The following POLR1C variants were observed in gnomAD, a reference collection of about 807,000 sequenced individuals.
The protein encoded by POLR1C is RNA polymerase I and III subunit C, also known as DNA-directed RNA polymerases I and III subunit RPAC1.
POLR1C carries 42 observed loss-of-function variants against 38.3 expected under a neutral mutation model. That is an observed-to-expected ratio of 1.10 (90% CI 0.86 to 1.42). The LOEUF (loss-of-function observed/expected upper bound fraction) is 1.42, where lower values mean the gene tolerates loss of function less well. Ranked by LOEUF, POLR1C falls within the 40% of genes most tolerant of loss-of-function variation. POLR1C has a pLI of 0.00. For synonymous variants in POLR1C, 163 were observed against 163.9 expected (o/e 0.99, Z 0.04); for missense variants, 507 against 450.5 (o/e 1.13, Z -1.14).
intron 8 of POLR1C, chr6:43,527,725 T>A: frequency 1.2e-6 from 2 of 1,613,972 alleles, no homozygotes; most frequent in Non-Finnish European, 1.7e-6. Flanking sequence ...CAGCCTCATC[T>A]TCTCCACTGC....
In POLR1C at chr6:43,520,384, TG is replaced by T. The variant is rs1057519456; in HGVS notation, c.614del (p.Gly205AlafsTer49). ...ATATCCTCATCGCTCAGCTGCGGCCTGGCCAAGAAATTGACCTGCTCATGCA... is the reference window on the plus strand; with the variant it reads ...ATATCCTCATCGCTCAGCTGCGGCCTGCCAAGAAATTGACCTGCTCATGCA... The part of the protein sequence containing the change: ...DDILIAQLRP[G>X]QEIDLLMHCV... On this transcript the variant is annotated frameshift_variant, in exon 6 of 9. Coordinates refer to ENST00000642195, the MANE Select transcript of POLR1C (RefSeq NM_203290.4). LOFTEE classifies it high-confidence loss of function. 1 of 1,613,914 alleles carries T rather than the reference TG, an allele frequency of 6.2e-7. No homozygotes were observed. Among genetic ancestry groups the T allele is most frequent in the Non-Finnish European group, 8.5e-7 (1 of 1,180,032 alleles).
intron 10 of POLR1C, chr6:43,551,550 T>A: frequency 6.9e-7 from 1 of 1,449,062 alleles, no homozygotes; most frequent in Non-Finnish European, 9.5e-7. Flanking sequence ...AGAGACAGGG[T>A]CTCATTCTGT....
intron 9 of POLR1C, among the ~76,000 whole-genome samples, chr6:43,545,553 A>G (rs996668655): frequency 6.6e-6 from 1 of 152,048 alleles, no homozygotes; most frequent in African/African-American, 2.4e-5. Context: ...CTAAAAATAC[A>G]AAAATTAGCC....
chr6:43,560,729 T>C (rs1762373313), intron 10 of POLR1C, among the ~76,000 whole-genome samples: 1 of 152,218 alleles, frequency 6.6e-6, no homozygotes, highest in Admixed American at 6.6e-5. Context: ...AGGGAAAAGC[T>C]GCTGACCTAG....
chr6:43,526,597 C>A, intron 8 of POLR1C: 2 of 1,485,394 alleles, frequency 1.3e-6, no homozygotes, highest in Middle Eastern at 1.7e-4. Flanking sequence ...CTTCTCCTCA[C>A]CAGACTGCAA....
At chr6:43,562,152 A>T (rs1338357044) in exon 11 of POLR1C, 2 of 937,352 alleles carry the variant, frequency 2.1e-6, no homozygotes. Context: ...TCAGGCTAAA[A>T]TCAATGACAT....
At chr6:43,519,902 T>C in intron 4 of POLR1C, 64 bp downstream of exon 4, 1 of 1,571,200 alleles carries the variant, frequency 6.4e-7, no homozygotes, top group African/African-American at 1.3e-5. Flanking sequence ...GACTGTGATG[T>C]TGGGTAAGTT....
At position 43,521,277 on chromosome 6, in the gene POLR1C, C is replaced by G. The variant is rs756904557; in HGVS notation, c.1018C>G (p.Leu340Val). 6.2e-7 allele frequency: 1 copy of G among 1,612,512 alleles called. No homozygotes were observed. Among genetic ancestry groups the G allele is most frequent in the Non-Finnish European group, 8.5e-7 (1 of 1,180,010 alleles). The change falls in exon 9 of 9, where the codon CTA (leucine) becomes GTA (valine). Residue 340 changes from leucine to valine, a missense_variant. Coordinates refer to ENST00000642195, the MANE Select transcript of POLR1C (RefSeq NM_203290.4). ...GAAGTGCCGGCGCTTCTTGGATGAA[C>G]TAGATGCGGTTCAGATGGACTGAGC... is the stretch of plus-strand genomic sequence containing the variant. The part of the protein sequence containing the change: ...MGKCRRFLDE[L>V]DAVQMD
At chr6:43,557,357 C>T (rs1249629003) in intron 10 of POLR1C, among the ~76,000 whole-genome samples, 1 of 151,240 alleles carries the variant, frequency 6.6e-6, no homozygotes, top group Non-Finnish European at 1.5e-5. Context: ...ATCCGGGAGG[C>T]AGAGGTTGCA....
chr6:43,560,859 G>A (rs1267037112), intron 10 of POLR1C: 4 of 1,273,616 alleles, frequency 3.1e-6, no homozygotes, highest in African/African-American at 2.9e-5. Context: ...TAATATTTCA[G>A]GACACAGTGC....
At chr6:43,536,954 T>C (rs1794371593) in intron 9 of POLR1C, among the ~76,000 whole-genome samples, 2 of 150,940 alleles carry the variant, frequency 1.3e-5, no homozygotes, top group South Asian at 4.2e-4. Flanking sequence ...CATTGAATAA[T>C]TGATTTTTGT....
intron 9 of POLR1C, among the ~76,000 whole-genome samples, chr6:43,545,383 T>A (rs1402562866): frequency 6.6e-6 from 1 of 152,098 alleles, no homozygotes; most frequent in Non-Finnish European, 1.5e-5. Flanking sequence ...CAAAAAGTAC[T>A]GAAACAGAGC....
chr6:43,548,437 G>A, intron 9 of POLR1C: 1 of 1,575,824 alleles, frequency 6.3e-7, no homozygotes, highest in Non-Finnish European at 8.6e-7. Context: ...GCTTCACATG[G>A]TTATAAAGCA....
chr6:43,521,506 CA>C lies in POLR1C; in HGVS notation c.*213del, dbSNP rs542915278. On this transcript the variant is annotated 3_prime_UTR_variant, in exon 9 of 9. Transcript: ENST00000642195. The stretch of plus-strand genomic sequence containing the variant: ...TTAGATGTAAATAAACTCACCCAAA[CA>C]AAAAAACTTTTTGAGACTACTTTTG... 1.5e-6 allele frequency: 2 copies of C among 1,337,984 alleles called. No homozygotes were observed. The highest frequency in any genetic ancestry group is 1.9e-6 in the Non-Finnish European group (2 of 1,039,346). The allele number at this position is 1,337,984 out of a possible 1,614,324, so 82.9% of individuals were successfully genotyped here. A position where few individuals can be genotyped will look rare whatever the true frequency, so the allele number is the denominator to read the frequency against.
At position 43,549,803 on chromosome 6, in the gene POLR1C, C is replaced by A; in HGVS notation, c.*5-1165C>A. On this transcript the variant is annotated intron_variant, in intron 9 of 10. Transcript: ENST00000607635. ...AATCTACCACCCTTACTACCCCCTC[C>A]CATTTATATAAAAATATAAACTGAG... 4.3e-6 allele frequency: 6 copies of A among 1,380,108 alleles called. No individual in the cohort carries two copies. The South Asian group carries it at 7.6e-5, about 18-fold the overall frequency. The allele number at this position is 1,380,108 out of a possible 1,614,324, so 85.5% of individuals were successfully genotyped here.
At chr6:43,519,539 A>AT in intron 3 of POLR1C, 99 bp downstream of exon 3, 1 of 1,392,906 alleles carries the variant, frequency 7.2e-7, no homozygotes, top group Non-Finnish European at 1.0e-6. Flanking sequence ...TCCCTCCTTA[A>AT]TTTTCCTGGA....
intron 9 of POLR1C, chr6:43,548,350 G>A (rs757818213): frequency 2.5e-6 from 4 of 1,613,552 alleles, no homozygotes; most frequent in Non-Finnish European, 2.5e-6. Flanking sequence ...TCTTAAATTG[G>A]TTGCTAATGA....
chr6:43,534,121 T>TG, downstream of POLR1C: 2 of 702,950 alleles, frequency 2.8e-6, no homozygotes, highest in Non-Finnish European at 4.7e-6. Context: ...CATCAACTCC[T>TG]GGCAGGGGAA....
At chr6:43,523,934 C>T (rs1449845096), downstream of POLR1C, 1 of 1,613,910 alleles carries the variant, frequency 6.2e-7, no homozygotes, top group Non-Finnish European at 8.5e-7. Flanking sequence ...CCAGCATTGG[C>T]TTTGTTTTTT....
Sources: gnomAD v4.1 joint callset for allele counts (sites outside exome capture counted in the v4.1 genomes callset) on GRCh38, gnomAD v4.1.1 for gene constraint, MANE v1.5 for transcripts, NCBI Gene and HGNC (gene_info 2026-07-23, HGNC 2026-07-21) for gene names.